DGCR8: variants seen among roughly 807,000 people sequenced by gnomAD.
DGCR8 encodes DGCR8 microprocessor complex subunit, also known as microprocessor complex subunit DGCR8.
Under a neutral mutation model 78.5 loss-of-function variants are expected in DGCR8, and 14 were observed. The ratio of observed to expected loss-of-function variants is 0.18; its 90% CI spans 0.12 to 0.28. The LOEUF (loss-of-function observed/expected upper bound fraction) is 0.28, where lower values mean the gene tolerates loss of function less well. DGCR8 is among the 10% of genes least tolerant of loss of function. The pLI, the probability that DGCR8 is intolerant of heterozygous loss-of-function variation, is 1.00. For missense variants in DGCR8, 702 were observed against 1,022.5 expected, an observed-to-expected ratio of 0.69 and a Z score of 4.28; for synonymous variants, 399 against 402.4, an observed-to-expected ratio of 0.99 and a Z score of 0.10.
At chr22:20,102,970 T>A (rs779286334) in intron 9 of DGCR8, among the ~76,000 whole-genome samples, 1 of 151,954 alleles carries the variant, frequency 6.6e-6, no homozygotes, top group Non-Finnish European at 1.5e-5. Flanking sequence ...CCATCTCTAC[T>A]TAAATACAAA....
At chr22:20,102,024 G>C in intron 9 of DGCR8, 1 of 985,068 alleles carries the variant, frequency 1.0e-6, no homozygotes, top group South Asian at 4.7e-5. Context: ...TTTGTTGCTA[G>C]CTGTGGGTTG....
chr22:20,106,777 C>A, intron 11 of DGCR8, 79 bp downstream of exon 11: 1 of 1,005,540 alleles, frequency 9.9e-7, no homozygotes, highest in South Asian at 1.3e-5. Context: ...GTGGCTTGGT[C>A]TCAGCTGTTG....
rs367625866 is a variant in DGCR8 at position 20,086,647 on chromosome 22, C to G, written c.684C>G (p.Asp228Glu). 4 of 1,610,390 alleles carry G rather than the reference C, an allele frequency of 2.5e-6. No homozygotes were observed. The Admixed American group carries it at 5.0e-5, about 20-fold the overall frequency. Residue 228 changes from aspartate to glutamate, a missense_variant, in exon 2 of 14, where the codon GAC becomes GAG. Around this residue, in one of 4 missense-constraint regions of DGCR8, gnomAD observed 356 missense variants for 448.9 expected, o/e 0.79. Coordinates refer to ENST00000351989, the MANE Select transcript of DGCR8 (RefSeq NM_022720.7). This position sits in a 1 kb window ranked among gnomAD's most constrained non-coding sequence, Gnocchi z 6.4. ...CGGCTAAAGCAATCGTTCAGAGAGA[C>G]AGAGTGGATGAAGAGGCCTTGAATT... ...GFTAKAIVQR[D>E]RVDEEALNFP...
At chr22:20,082,764 C>CT (rs1156529364) in intron 1 of DGCR8, among the ~76,000 whole-genome samples, 2 of 152,236 alleles carry the variant, frequency 1.3e-5, no homozygotes, top group Non-Finnish European at 2.9e-5. Context: ...CACTTCCTGG[C>CT]TGTATGACCT....
chr22:20,086,724 C>A lies in DGCR8; in HGVS notation c.720+41C>A. ...CTCCTCTAGAGGGCTCTTAGCAAAA[C>A]CCAAAGAGAGATTTGGGAATTGCAG... On this transcript the variant is annotated intron_variant, in intron 2 of 13. Coordinates refer to ENST00000351989, the MANE Select transcript of DGCR8 (RefSeq NM_022720.7). This position sits in a 1 kb window ranked among gnomAD's most constrained non-coding sequence, Gnocchi z 6.4. 1.3e-6 allele frequency: 2 copies of A among 1,517,422 alleles called. No homozygotes were observed. Among genetic ancestry groups the A allele is most frequent in the East Asian group, 2.3e-5 (1 of 43,736 alleles). The allele number at this position is 1,517,422 out of a possible 1,614,324, so 94.0% of individuals were successfully genotyped here. A position where few individuals can be genotyped will look rare whatever the true frequency, so the allele number is the denominator to read the frequency against.
intron 1 of DGCR8, among the ~76,000 whole-genome samples, chr22:20,082,483 T>C (rs1372982284): frequency 6.6e-6 from 1 of 152,164 alleles, no homozygotes; most frequent in Non-Finnish European, 1.5e-5. Context: ...TTCTCCTGCC[T>C]CAGCCTCCCG....
In DGCR8 at chr22:20,089,404, G is replaced by A. The variant is rs2049526391; in HGVS notation, c.881-265G>A. ...TACCAGATGTGGAGGCAGGAGCTGA[G>A]GCTGGGACTTATATCTTGCACAGAC... On this transcript the variant is annotated intron_variant, in intron 3 of 13. Transcript: ENST00000351989. This position sits in a 1 kb window ranked among gnomAD's most constrained non-coding sequence, Gnocchi z 4.9. Among the ~76,000 whole-genome samples, 1 of 152,220 alleles carries A rather than the reference G, an allele frequency of 6.6e-6. No individual in the cohort carries two copies. The highest frequency in any genetic ancestry group is 1.5e-5 in the Non-Finnish European group (1 of 68,042).
intron 8 of DGCR8, among the ~76,000 whole-genome samples, chr22:20,093,463 C>T (rs2049590735): frequency 6.6e-6 from 1 of 152,152 alleles, no homozygotes; most frequent in Non-Finnish European, 1.5e-5. Flanking sequence ...ATGTCCCTCC[C>T]TAGTCCTGGC....
At chr22:20,106,834 G>A (rs1442712809) in intron 11 of DGCR8, 136 bp downstream of exon 11, 6 of 682,272 alleles carry the variant, frequency 8.8e-6, no homozygotes, top group East Asian at 8.1e-5. Context: ...GCCACCACAC[G>A]TTCAGCCTAA....
Position 20,089,576 on chromosome 22 carries a change from T to G in DGCR8, c.881-93T>G. 1 of 1,412,394 alleles carries G rather than the reference T, an allele frequency of 7.1e-7. No individual in the cohort carries two copies. Among genetic ancestry groups the G allele is most frequent in the South Asian group, 1.2e-5 (1 of 80,448 alleles). The allele number at this position is 1,412,394 out of a possible 1,614,324, so 87.5% of individuals were successfully genotyped here. On this transcript the variant is annotated intron_variant, in intron 3 of 13. Transcript: ENST00000351989. The surrounding 1 kb of genome is among the most constrained non-coding windows in gnomAD (Gnocchi z 4.9). The stretch of plus-strand genomic sequence containing the variant: ...TGTGAAGACCCAGTTAAACACATGC[T>G]AGTACCCAACAATTTCTTGTGCAGG...
At chr22:20,102,358 G>A (rs868271834) in intron 9 of DGCR8, among the ~76,000 whole-genome samples, 2 of 152,194 alleles carry the variant, frequency 1.3e-5, no homozygotes, top group South Asian at 4.1e-4. Context: ...CTGGCTTGGT[G>A]TGGTGTGACG....
intron 12 of DGCR8, 21 bp downstream of exon 12, chr22:20,107,419 C>T: frequency 6.2e-7 from 1 of 1,613,474 alleles, no homozygotes; most frequent in Non-Finnish European, 8.5e-7. Context: ...ATCAGCAGGT[C>T]CCAGGGCAGC....
intron 9 of DGCR8, chr22:20,101,249 C>G (rs1276731077): frequency 3.7e-5 from 36 of 985,280 alleles, no homozygotes; most frequent in Non-Finnish European, 4.3e-5. Flanking sequence ...ATGTGCCCCT[C>G]CTGAGAAGCT....
At chr22:20,097,535 C>T (rs758381640) in intron 9 of DGCR8, among the ~76,000 whole-genome samples, 1 of 152,038 alleles carries the variant, frequency 6.6e-6, no homozygotes, top group Non-Finnish European at 1.5e-5. Flanking sequence ...GCTGTCATTC[C>T]TGATTTCAGT....
Position 20,087,353 on chromosome 22 carries a change from C to A in DGCR8, c.880+32C>A, listed in dbSNP as rs748991823. ...GTGTGGGTCAGAAGCAGTGGGTGTT[C>A]CAGGGCAGTGGAGGGGTGGTTGCTT... On this transcript the variant is annotated intron_variant, in intron 3 of 13. Coordinates refer to ENST00000351989, the MANE Select transcript of DGCR8 (RefSeq NM_022720.7). The surrounding 1 kb of genome is among the most constrained non-coding windows in gnomAD (Gnocchi z 4.1). 6.4e-7 allele frequency: 1 copy of A among 1,570,118 alleles called. No individual in the cohort carries two copies. Among genetic ancestry groups the A allele is most frequent in the South Asian group, 1.2e-5 (1 of 86,042 alleles).
At chr22:20,098,830 G>C (rs1262011569) in intron 9 of DGCR8, among the ~76,000 whole-genome samples, 4 of 152,172 alleles carry the variant, frequency 2.6e-5, no homozygotes, top group Non-Finnish European at 5.9e-5. Context: ...CTACCCTAAT[G>C]ACCTCATTGT....
chr22:20,100,365 A>G (rs2049682929), intron 9 of DGCR8: 4 of 985,342 alleles, frequency 4.1e-6, no homozygotes, highest in Non-Finnish European at 4.8e-6. Context: ...GCACCTGGCC[A>G]CATTTGATTT....
Position 20,111,364 on chromosome 22 carries a change from C to CTT in DGCR8, c.*1269_*1270dup, listed in dbSNP as rs375425509. The CTT allele has an allele frequency of 0.13, 47,218 of 375,622 alleles. 2,012 individuals carry two copies. The highest frequency in any genetic ancestry group is 0.36 in the East Asian group (9,393 of 26,200). 23.3% of individuals were successfully genotyped at this position (375,622 alleles called of 1,614,324 possible). A position where few individuals can be genotyped will look rare whatever the true frequency, so the allele number is the denominator to read the frequency against. ...CCCCCTACAGGCGGTACTGATGGCG[C>CTT]TTTTTTTTTTTTTTCTGTCAGGAAA... On this transcript the variant is annotated 3_prime_UTR_variant, in exon 14 of 14. Coordinates refer to ENST00000351989, the MANE Select transcript of DGCR8 (RefSeq NM_022720.7).
At position 20,110,354 on chromosome 22, in the gene DGCR8, C is replaced by T. The variant is rs2049823804; in HGVS notation, c.*246C>T. On this transcript the variant is annotated 3_prime_UTR_variant, in exon 14 of 14. Transcript: ENST00000351989. Reference sequence around the variant, plus strand: ...TGAATGGATGGACTCAGCGACTGCACCAGTGGCAGCTGGTGACTGTGGACA... The same window carrying T: ...TGAATGGATGGACTCAGCGACTGCATCAGTGGCAGCTGGTGACTGTGGACA... 3.9e-6 allele frequency: 2 copies of T among 510,158 alleles called. No individual in the cohort carries two copies. Among genetic ancestry groups the T allele is most frequent in the South Asian group, 2.8e-5 (1 of 35,914 alleles). 31.6% of individuals were successfully genotyped at this position (510,158 alleles called of 1,614,324 possible).
Sources: gnomAD v4.1 joint callset for allele counts (sites outside exome capture counted in the v4.1 genomes callset) on GRCh38, gnomAD v4.1.1 for gene constraint, gnomAD v4.1.1 regional missense constraint, Gnocchi (gnomAD v3.1) non-coding constraint, MANE v1.5 for transcripts, NCBI Gene and HGNC (gene_info 2026-07-23, HGNC 2026-07-21) for gene names.